ATP2A3: variants seen among roughly 807,000 people sequenced by gnomAD.
The protein encoded by ATP2A3 is ATPase sarcoplasmic/endoplasmic reticulum Ca2+ transporting 3, also known as sarcoplasmic/endoplasmic reticulum calcium ATPase 3.
A neutral mutation model predicts 106.8 loss-of-function variants in ATP2A3; 61 were observed. That is an observed-to-expected ratio of 0.57 (90% CI 0.46 to 0.71). The LOEUF (loss-of-function observed/expected upper bound fraction) is 0.71, where lower values mean the gene tolerates loss of function less well. Among genes scored for constraint, ATP2A3 ranks in the 30% least tolerant of loss-of-function variants. ATP2A3 has a pLI of 0.00. For missense variants in ATP2A3, 1,201 were observed against 1,423.5 expected, an observed-to-expected ratio of 0.84 and a Z score of 2.52; for synonymous variants, 611 against 609.3, an observed-to-expected ratio of 1.00 and a Z score of -0.04.
In ATP2A3 at chr17:3,928,384, T is replaced by C; in HGVS notation, c.2980+279A>G. 4 of 1,517,816 alleles carry C rather than the reference T, an allele frequency of 2.6e-6. No individual in the cohort carries two copies. Among genetic ancestry groups the C allele is most frequent in the Middle Eastern group, 4.0e-4 (2 of 5,020 alleles). The allele number at this position is 1,517,816 out of a possible 1,614,324, so 94.0% of individuals were successfully genotyped here. On this transcript the variant is annotated intron_variant, in intron 20 of 20. Transcript: ENST00000397041. This position sits in a 1 kb window ranked among gnomAD's most constrained non-coding sequence, Gnocchi z 6.1. ...AGAAGAGCACACAGTGCCCTGGCCA[T>C]GTAGGGGGTGGCAGGTGAAGACAGT...
chr17:3,936,792 GCAAAAACCTA>G lies in ATP2A3; in HGVS notation c.2322-333_2322-324del. 2.4e-6 allele frequency: 1 copy of G among 417,328 alleles called. No homozygotes were observed. Among genetic ancestry groups the G allele is most frequent in the South Asian group, 2.2e-5 (1 of 44,602 alleles). The allele number at this position is 417,328 out of a possible 1,614,324, so 25.9% of individuals were successfully genotyped here. A position where few individuals can be genotyped will look rare whatever the true frequency, so the allele number is the denominator to read the frequency against. On this transcript the variant is annotated intron_variant, in intron 15 of 20. Coordinates refer to ENST00000397041, the MANE Select transcript of ATP2A3 (RefSeq NM_005173.4). The surrounding 1 kb of genome is among the most constrained non-coding windows in gnomAD (Gnocchi z 5.4). ...GGGCATGCCCAAGAATCAGACATGT[GCAAAAACCTA>G]GCACATGCCACACCATCCGGCAAAC... is the stretch of plus-strand genomic sequence containing the variant.
At chr17:3,950,886 T>A in intron 5 of ATP2A3, 113 bp from the exon 6 acceptor site, 1 of 1,059,514 alleles carries the variant, frequency 9.4e-7, no homozygotes, top group South Asian at 1.4e-5. Context: ...GCCTGAGCTG[T>A]GATCGCTCTG....
chr17:3,925,708 T>G lies in ATP2A3; in HGVS notation c.2981-267A>C, dbSNP rs1266286913. On this transcript the variant is annotated intron_variant, in intron 20 of 20. Transcript: ENST00000397041. The surrounding 1 kb of genome is among the most constrained non-coding windows in gnomAD (Gnocchi z 4.2). ...CCTCCAGTACATACTCTCCTGGTTT[T>G]CATTTTGGGGAATCACCACCCATTA... Among the ~76,000 whole-genome samples, 3 of 151,558 alleles carry G rather than the reference T, an allele frequency of 2.0e-5. No individual in the cohort carries two copies. Among genetic ancestry groups the G allele is most frequent in the African/African-American group, 7.3e-5 (3 of 41,188 alleles).
At position 3,928,242 on chromosome 17, in the gene ATP2A3, G is replaced by A. The variant is rs546015657; in HGVS notation, c.2980+421C>T. 1.1e-5 allele frequency: 17 copies of A among 1,613,570 alleles called. No individual in the cohort carries two copies. Among genetic ancestry groups the A allele is most frequent in the South Asian group, 9.9e-5 (9 of 91,082 alleles). On this transcript the variant is annotated intron_variant, in intron 20 of 20. Transcript: ENST00000397041. The surrounding 1 kb of genome is among the most constrained non-coding windows in gnomAD (Gnocchi z 6.1). Reference sequence around the variant, plus strand: ...AAGGTGATACCAAAGAGGCCAACCCGGTGTGGTCTGGGGTCCAAGAGGTGG... The same window carrying A: ...AAGGTGATACCAAAGAGGCCAACCCAGTGTGGTCTGGGGTCCAAGAGGTGG...
rs2053770646 is a variant in ATP2A3 at position 3,941,465 on chromosome 17, C to T, written c.1735G>A (p.Asp579Asn). 6.2e-7 allele frequency: 1 copy of T among 1,613,778 alleles called. No individual in the cohort carries two copies. Among genetic ancestry groups the T allele is most frequent in the Non-Finnish European group, 8.5e-7 (1 of 1,179,880 alleles). Residue 579 changes from aspartate to asparagine, a missense_variant, in exon 13 of 21, where the codon GAC becomes AAC. Coordinates refer to ENST00000397041, the MANE Select transcript of ATP2A3 (RefSeq NM_005173.4). ...TACTGCACAAACTTGCTGCAGTCGT[C>T]CAGCTCCATGTCCTCCTTCCTTGGG... ...APPRKEDMEL[D>N]DCSKFVQYET...
Position 3,925,855 on chromosome 17 carries a change from G to T in ATP2A3, c.2981-414C>A, listed in dbSNP as rs1022182120. ...ACTGCCTTCCCCAACCAGGCCTCAA[G>T]GCCTCAAGGCCTGCCGCCCTGCCCC... On this transcript the variant is annotated intron_variant, in intron 20 of 20. Transcript: ENST00000397041. The surrounding 1 kb of genome is among the most constrained non-coding windows in gnomAD (Gnocchi z 4.2). Among the ~76,000 whole-genome samples the T allele has an allele frequency of 1.3e-5, 2 of 151,922 alleles. No homozygotes were observed. The highest frequency in any genetic ancestry group is 2.9e-5 in the Non-Finnish European group (2 of 67,982).
chr17:3,943,401 G>A lies in ATP2A3; in HGVS notation c.1409C>T (p.Ala470Val), dbSNP rs2053896221. 1.9e-6 allele frequency: 3 copies of A among 1,613,852 alleles called. No individual in the cohort carries two copies. Among genetic ancestry groups the A allele is most frequent in the African/African-American group, 1.3e-5 (1 of 75,014 alleles). ...CCCAGCCCTGCTCACCGTGTTACAGGCGCCAGCTCGCTCCACCCGGGACAG... is the reference window on the plus strand; with the variant it reads ...CCCAGCCCTGCTCACCGTGTTACAGACGCCAGCTCGCTCCACCCGGGACAG... The part of the protein sequence containing the change: ...QALSRVERAG[A>V]CNTVIKQLMR... Residue 470 changes from alanine (A) to valine (V), a missense_variant, in exon 11 of 21, where the codon GCC becomes GTC. Coordinates refer to ENST00000397041, the MANE Select transcript of ATP2A3 (RefSeq NM_005173.4).
chr17:3,947,452 G>A lies in ATP2A3; in HGVS notation c.1034C>T (p.Thr345Ile). Reference protein sequence around the residue: ...SLPSVETLGCTSVICSDKTGT... With the variant: ...SLPSVETLGCISVICSDKTGT... Reference sequence around the variant, plus strand: ...CGTCTTGTCGGAGCAGATGACTGAGGTGCAGCCCAGGGTCTCCACGGACGG... The same window carrying A: ...CGTCTTGTCGGAGCAGATGACTGAGATGCAGCCCAGGGTCTCCACGGACGG... The change falls in exon 8 of 21, where the codon ACC (threonine) becomes ATC (isoleucine). Residue 345 changes from threonine (T) to isoleucine (I), a missense_variant. Physicochemically the swap from Thr to Ile is moderately conservative, Grantham distance 89. This residue lies in a region of ATP2A3 where 935 missense variants were observed against 1,176.7 expected (regional missense o/e 0.79). Transcript: ENST00000397041. The surrounding 1 kb of genome is among the most constrained non-coding windows in gnomAD (Gnocchi z 7.7). 6.2e-7 allele frequency: 1 copy of A among 1,613,878 alleles called. No homozygotes were observed. Among genetic ancestry groups the A allele is most frequent in the Non-Finnish European group, 8.5e-7 (1 of 1,180,042 alleles).
Position 3,941,604 on chromosome 17 carries a change from G to C in ATP2A3, c.1596C>G (p.Ser532Arg). ...IERCSSVRVG[S>R]RTAPLTPTSR... is the part of the protein sequence containing the mutation. ...AGGTGGGGGTCAGGGGTGCTGTGCG[G>C]CTCCCCACGCGGACTGAGCTACAGC... Residue 532 changes from serine (S) to arginine (R), a missense_variant, in exon 13 of 21, where the codon AGC (serine) becomes AGG (arginine). By Grantham distance (110) the Ser-to-Arg change is moderately radical. This residue lies in a region of ATP2A3 where 935 missense variants were observed against 1,176.7 expected (regional missense o/e 0.79). Transcript: ENST00000397041. 6.2e-7 allele frequency: 1 copy of C among 1,611,950 alleles called. No homozygotes were observed. Among genetic ancestry groups the C allele is most frequent in the Non-Finnish European group, 8.5e-7 (1 of 1,180,012 alleles).
intron 1 of ATP2A3, among the ~76,000 whole-genome samples, chr17:3,958,717 T>TATATATACACATATATATAC (rs1158361946): frequency 7.3e-5 from 7 of 95,824 alleles, no homozygotes; most frequent in African/African-American, 3.2e-4. Flanking sequence ...TATATATATA[T>TATATATACACATATATATAC]ACACATATAT....
chr17:3,952,972 T>A (rs1335245867), intron 3 of ATP2A3, among the ~76,000 whole-genome samples: 1 of 152,160 alleles, frequency 6.6e-6, no homozygotes, highest in African/African-American at 2.4e-5. Flanking sequence ...CTGCTGAACA[T>A]CCTACAGTGG....
rs766527754 is a variant in ATP2A3, at chr17:3,925,185, C to A, written c.*237G>T. 103 of 638,030 alleles carry A rather than the reference C, an allele frequency of 1.6e-4. No homozygotes were observed. Among genetic ancestry groups the A allele is most frequent in the Middle Eastern group, 1.3e-3 (3 of 2,350 alleles). 39.5% of individuals were successfully genotyped at this position (638,030 alleles called of 1,614,324 possible). A position where few individuals can be genotyped will look rare whatever the true frequency, so the allele number is the denominator to read the frequency against. Reference sequence around the variant, plus strand: ...TGGGCCAGAGCTGCAGAGCAGGGAACTTCCCAGGAGAGTCCAGGAGACAGG... The same window carrying A: ...TGGGCCAGAGCTGCAGAGCAGGGAAATTCCCAGGAGAGTCCAGGAGACAGG... On this transcript the variant is annotated 3_prime_UTR_variant, in exon 21 of 21. Coordinates refer to ENST00000397041, the MANE Select transcript of ATP2A3 (RefSeq NM_005173.4). The surrounding 1 kb of genome is among the most constrained non-coding windows in gnomAD (Gnocchi z 4.2).
At chr17:3,951,544 C>CG (rs770654879) in intron 4 of ATP2A3, 37 bp downstream of exon 4, 1 of 1,316,890 alleles carries the variant, frequency 7.6e-7, no homozygotes, top group Admixed American at 2.3e-5. Context: ...GGCTGGGAGA[C>CG]CGCCCCCCGC....
At chr17:3,941,901 C>T (rs892341439) in intron 12 of ATP2A3, among the ~76,000 whole-genome samples, 1 of 152,304 alleles carries the variant, frequency 6.6e-6, no homozygotes, top group East Asian at 1.9e-4. Flanking sequence ...CCTAGCGATG[C>T]CCTTCCCCCA....
At chr17:3,943,741 C>T (rs909853837) in intron 10 of ATP2A3, among the ~76,000 whole-genome samples, 3 of 152,178 alleles carry the variant, frequency 2.0e-5, no homozygotes, top group African/African-American at 4.8e-5. Flanking sequence ...CGCCACACAC[C>T]GTCCCTGCCC....
At chr17:3,944,672 CTAGGGAGG>C in intron 10 of ATP2A3, 24 bp downstream of exon 10, 1 of 1,603,224 alleles carries the variant, frequency 6.2e-7, no homozygotes. Flanking sequence ...CGCCTGGATA[CTAGGGAGG>C]TCATGAAAGG....
At chr17:3,956,661 A>T (rs964908187) in intron 1 of ATP2A3, among the ~76,000 whole-genome samples, 6 of 152,182 alleles carry the variant, frequency 3.9e-5, no homozygotes, top group Non-Finnish European at 7.4e-5. Context: ...TGGGTCACAG[A>T]ATGAGGAAGG....
chr17:3,939,343 A>T (rs2053612532), intron 14 of ATP2A3, among the ~76,000 whole-genome samples: 1 of 152,112 alleles, frequency 6.6e-6, no homozygotes, highest in Non-Finnish European at 1.5e-5. Flanking sequence ...GGAGGTCAAG[A>T]TTAAAAACAG....
rs200625947 is a variant in ATP2A3 at position 3,951,244 on chromosome 17, G to A, written c.463+7C>T. On this transcript the variant is annotated splice_region_variant and intron_variant, in intron 5 of 20. Transcript: ENST00000397041. Reference sequence around the variant, plus strand: ...AAATAAAATAAAAGGAGGAGGCCCCGGCATACCTGCCACTTCTACAATGTC... The same window carrying A: ...AAATAAAATAAAAGGAGGAGGCCCCAGCATACCTGCCACTTCTACAATGTC... 19 of 1,549,634 alleles carry A rather than the reference G, an allele frequency of 1.2e-5. No homozygotes were observed. Among genetic ancestry groups the A allele is most frequent in the East Asian group, 4.8e-5 (2 of 41,304 alleles).
Sources: gnomAD v4.1 joint callset for allele counts (sites outside exome capture counted in the v4.1 genomes callset) on GRCh38, gnomAD v4.1.1 for gene constraint, gnomAD v4.1.1 regional missense constraint, Gnocchi (gnomAD v3.1) non-coding constraint, MANE v1.5 for transcripts, NCBI Gene and HGNC (gene_info 2026-07-23, HGNC 2026-07-21) for gene names.